The following RRP9 variants were observed in gnomAD, a reference collection of about 807,000 sequenced individuals.
RRP9 encodes ribosomal RNA processing 9, U3 small nucleolar RNA binding protein.
A neutral mutation model predicts 65.5 loss-of-function variants in RRP9; 35 were observed. The ratio of observed to expected loss-of-function variants is 0.53; its 90% confidence interval spans 0.41 to 0.71. The LOEUF (loss-of-function observed/expected upper bound fraction) is 0.71. Ranked by LOEUF, RRP9 falls within the 30% of genes least tolerant of loss-of-function variation. The pLI, the probability that RRP9 is intolerant of heterozygous loss-of-function variation, is 0.00. For synonymous variants in RRP9, 254 were observed against 245.0 expected (o/e 1.04, Z -0.34); for missense variants, 533 against 633.6 (o/e 0.84, Z 1.70).
chr3:51,941,714 C>A, intron 1 of RRP9, 67 bp downstream of exon 1: 1 of 1,398,194 alleles, frequency 7.2e-7, no homozygotes, highest in Non-Finnish European at 9.8e-7. Context: ...GACCCAGGTC[C>A]CCTGGATGGG....
At chr3:51,933,645 C>T in intron 14 of RRP9, 46 bp from the exon 15 acceptor site, 1 of 1,610,666 alleles carries the variant, frequency 6.2e-7, no homozygotes, top group Non-Finnish European at 8.5e-7. Context: ...CAGTCTCCAC[C>T]CCATTTCCAC....
chr3:51,940,277 A>G (rs1250618914), intron 2 of RRP9, among the ~76,000 whole-genome samples: 1 of 152,072 alleles, frequency 6.6e-6, no homozygotes, highest in Non-Finnish European at 1.5e-5. Flanking sequence ...AAAAAAGTAC[A>G]TTCTTTCCAT....
At chr3:51,936,600 G>C in intron 6 of RRP9, 45 bp from the exon 7 acceptor site, 1 of 1,590,384 alleles carries the variant, frequency 6.3e-7, no homozygotes, top group Non-Finnish European at 8.6e-7. Context: ...GGGGGGATAG[G>C]GCTGGCTGGC....
intron 11 of RRP9, 52 bp downstream of exon 11, chr3:51,935,145 C>T: frequency 6.2e-7 from 1 of 1,604,248 alleles, no homozygotes; most frequent in South Asian, 1.1e-5. Context: ...CCGTGGACAG[C>T]CAGCACTCAG....
chr3:51,934,314 A>G lies in RRP9; in HGVS notation c.1260+158T>C, dbSNP rs930676215. 6.6e-6 allele frequency among the ~76,000 whole-genome samples: 1 copy of G among 152,110 alleles called. No individual in the cohort carries two copies. The highest frequency in any genetic ancestry group is 2.4e-5 in the African/African-American group (1 of 41,424). ...CCTAGGATAGGAAGGGGAGCAGAGG[A>G]GGGAAAGTGGGGAGGGTTCCTGCCA... On this transcript the variant is annotated intron_variant, in intron 13 of 14. Coordinates refer to ENST00000232888, the MANE Select transcript of RRP9 (RefSeq NM_004704.5). The surrounding 1 kb of genome is among the most constrained non-coding windows in gnomAD (Gnocchi z 4.1).
intron 2 of RRP9, among the ~76,000 whole-genome samples, chr3:51,938,517 A>G (rs1176191487): frequency 6.6e-6 from 1 of 152,238 alleles, no homozygotes; most frequent in Non-Finnish European, 1.5e-5. Flanking sequence ...ACAAAGAGTC[A>G]GGAATCAAAA....
Position 51,936,133 on chromosome 3 carries a change from C to T in RRP9, c.735+124G>A, listed in dbSNP as rs1391444719. On this transcript the variant is annotated intron_variant, in intron 8 of 14. Transcript: ENST00000232888. ...CATTTATGTATTTTACAGCACCACTCGCTACCCACTCGCTACCCCAGGATG... is the reference window on the plus strand; with the variant it reads ...CATTTATGTATTTTACAGCACCACTTGCTACCCACTCGCTACCCCAGGATG... 4 of 866,626 alleles carry T rather than the reference C, an allele frequency of 4.6e-6. No homozygotes were observed. The East Asian group carries it at 1.0e-4, about 22-fold the overall frequency. 53.7% of individuals were successfully genotyped at this position (866,626 alleles called of 1,614,324 possible).
Position 51,933,776 on chromosome 3 carries a change from A to T in RRP9, c.1266T>A (p.Gly422=). 6.2e-7 allele frequency: 1 copy of T among 1,613,766 alleles called. No homozygotes were observed. Among genetic ancestry groups the T allele is most frequent in the Non-Finnish European group, 8.5e-7 (1 of 1,179,932 alleles). ...LDLLCDIPLV[G]FINSLKFSSS... is the part of the protein sequence containing the mutation. Reference sequence around the variant, plus strand: ...TGGAGAACTTGAGGCTGTTGATAAAACCCACCTGAGCAGAAAGACAACACG... The same window carrying T: ...TGGAGAACTTGAGGCTGTTGATAAATCCCACCTGAGCAGAAAGACAACACG... The change falls in exon 14 of 15, where the codon GGT becomes GGA. Residue 422 remains glycine, a synonymous_variant. Transcript: ENST00000232888.
rs200718167 is a variant in RRP9 at position 51,937,512 on chromosome 3, C to T, written c.390+33G>A. The T allele has an allele frequency of 6.2e-7, 1 of 1,614,194 alleles. No individual in the cohort carries two copies. Among genetic ancestry groups the T allele is most frequent in the South Asian group, 1.1e-5 (1 of 91,084 alleles). ...TTCCAAGTGGGGCCCCCAATTCCCT[C>T]CAACCTTATACCAAAATACCATGCC... On this transcript the variant is annotated intron_variant, in intron 5 of 14. Transcript: ENST00000232888. This position sits in a 1 kb window ranked among gnomAD's most constrained non-coding sequence, Gnocchi z 5.0.
At chr3:51,933,817 GC>G (rs778543279) in intron 13 of RRP9, 36 bp from the exon 14 acceptor site, 3 of 1,591,894 alleles carry the variant, frequency 1.9e-6, no homozygotes, top group Non-Finnish European at 1.7e-6. Flanking sequence ...ACATTAGAAC[GC>G]CCCCCGCCAC....
At chr3:51,939,358 C>A (rs950998719) in intron 2 of RRP9, among the ~76,000 whole-genome samples, 1 of 152,210 alleles carries the variant, frequency 6.6e-6, no homozygotes, top group Non-Finnish European at 1.5e-5. Flanking sequence ...CTCAATTTAG[C>A]CAAACTAATT....
rs1403765094 is a variant in RRP9 at position 51,934,747 on chromosome 3, T to A, written c.1064A>T (p.Lys355Met). Reference protein sequence around the residue: ...GSVALWGLSKKRPLALQREAH... With the variant: ...GSVALWGLSKMRPLALQREAH... ...TTCACGCTGCAGGGCAAGTGGTCGC[T>A]TCTTGGAGAGACCCCACAAGGCCAC... Residue 355 changes from lysine (K) to methionine (M), a missense_variant, in exon 12 of 15, where the codon AAG becomes ATG. Physicochemically the swap from Lys to Met is moderately conservative, Grantham distance 95 (BLOSUM62 -1). Around this residue, in one of 3 missense-constraint regions of RRP9, gnomAD observed 449 missense variants for 550.6 expected, o/e 0.82. Transcript: ENST00000232888. The surrounding 1 kb of genome is among the most constrained non-coding windows in gnomAD (Gnocchi z 4.1). 1.2e-6 allele frequency: 2 copies of A among 1,613,872 alleles called. No homozygotes were observed. Among genetic ancestry groups the A allele is most frequent in the Non-Finnish European group, 1.7e-6 (2 of 1,179,988 alleles).
chr3:51,939,321 G>A (rs1006789522), intron 2 of RRP9, among the ~76,000 whole-genome samples: 4 of 152,242 alleles, frequency 2.6e-5, no homozygotes, highest in African/African-American at 9.6e-5. Context: ...ACACAGCCAA[G>A]GGACCTGTGT....
intron 2 of RRP9, among the ~76,000 whole-genome samples, chr3:51,938,658 G>A (rs956834306): frequency 3.3e-5 from 5 of 152,210 alleles, no homozygotes; most frequent in African/African-American, 1.2e-4. Flanking sequence ...ACTGCCAGGT[G>A]TGCAAGGTGC....
Position 51,935,526 on chromosome 3 carries a change from C to T in RRP9, c.837-50G>A, listed in dbSNP as rs372315051. 2.0e-5 allele frequency: 32 copies of T among 1,613,910 alleles called. No individual in the cohort carries two copies. The African/African-American group carries it at 3.5e-4, about 17-fold the overall frequency. On this transcript the variant is annotated intron_variant, in intron 9 of 14. Transcript: ENST00000232888. ...AGTGGGGATAGGGGTACTGCATGAA[C>T]TCACGGGCACACACTCCCACACCCT...
chr3:51,936,109 A>C, intron 8 of RRP9, 148 bp downstream of exon 8: 1 of 729,504 alleles, frequency 1.4e-6, no homozygotes, highest in Admixed American at 2.4e-5. Context: ...CCTTTAGCCC[A>C]TTTATGTATT....
At chr3:51,940,687 T>C (rs573761402) in intron 2 of RRP9, among the ~76,000 whole-genome samples, 3 of 152,228 alleles carry the variant, frequency 2.0e-5, no homozygotes, top group Admixed American at 6.5e-5. Context: ...GCTAACTTTT[T>C]TTTTTTGTAC....
rs1033671988 is a variant in RRP9 at position 51,938,172 on chromosome 3, T to C, written c.203A>G (p.Glu68Gly). ...CTGTGCAGTTTCCTCCAGCTCCTCC[T>C]CCTCCTCCTCCTCAGGCTTCCTTGG... Reference protein sequence around the residue: ...LAPRKPEEEEEEELEETAQEK... With the variant: ...LAPRKPEEEEGEELEETAQEK... Residue 68 changes from glutamate to glycine, a missense_variant, in exon 3 of 15, where the codon GAG becomes GGG. By Grantham distance (98) the Glu-to-Gly change is moderately conservative. Around this residue, in one of 3 missense-constraint regions of RRP9, gnomAD observed 449 missense variants for 550.6 expected, o/e 0.82. Transcript: ENST00000232888. The C allele has an allele frequency of 7.6e-6, 12 of 1,583,362 alleles. No homozygotes were observed. In the East Asian group the frequency reaches 2.5e-4, roughly 33 times the overall value.
At chr3:51,936,108 C>A in intron 8 of RRP9, 149 bp downstream of exon 8, 1 of 729,348 alleles carries the variant, frequency 1.4e-6, no homozygotes, top group Non-Finnish European at 2.3e-6. Flanking sequence ...CCCTTTAGCC[C>A]ATTTATGTAT....
Sources: allele counts gnomAD v4.1 joint callset (sites outside exome capture counted in the v4.1 genomes callset), GRCh38; gene constraint gnomAD v4.1.1; regional missense constraint gnomAD v4.1.1; non-coding constraint Gnocchi (gnomAD v3.1); transcripts MANE v1.5; gene names NCBI Gene and HGNC (gene_info 2026-07-23, HGNC 2026-07-21).